Variants in RBM20 observed in about 807,000 individuals in gnomAD.
RBM20 encodes the protein RNA binding motif protein 20.
A neutral mutation model predicts 110.1 loss-of-function variants in RBM20; 51 were observed. The ratio of observed to expected loss-of-function variants is 0.46; its 90% CI spans 0.37 to 0.59. RBM20 has a LOEUF of 0.59. RBM20 is among the 20% of genes least tolerant of loss of function. RBM20 has a pLI of 0.00. For synonymous variants in RBM20, 589 were observed against 618.2 expected, an observed-to-expected ratio of 0.95 and a Z score of 0.70; for missense variants, 1,512 against 1,574.9, an observed-to-expected ratio of 0.96 and a Z score of 0.68.
intron 1 of RBM20, among the ~76,000 whole-genome samples, chr10:110,732,333 C>A (rs546040322): frequency 1.3e-5 from 2 of 152,304 alleles, no homozygotes; most frequent in African/African-American, 4.8e-5. Context: ...CCTCCATGCT[C>A]TTTCCTATGA....
intron 5 of RBM20, among the ~76,000 whole-genome samples, chr10:110,793,146 C>A (rs2135065265): frequency 6.6e-6 from 1 of 152,268 alleles, no homozygotes; most frequent in Middle Eastern, 3.4e-3. Flanking sequence ...AACTAAGGCT[C>A]AGAAAAGGAA....
rs574992013 is a variant in RBM20 at position 110,689,563 on chromosome 10, A to G, written c.191+44918A>G. Among the ~76,000 whole-genome samples, 13 of 152,352 alleles carry G rather than the reference A, an allele frequency of 8.5e-5. No individual in the cohort carries two copies. In the South Asian group the frequency reaches 2.7e-3, roughly 32 times the overall value. Reference sequence around the variant, plus strand: ...TTAATTGGTGTTTTACAGTTCCATCATGTATAACTATTTTATATCTTTGTT... The same window carrying G: ...TTAATTGGTGTTTTACAGTTCCATCGTGTATAACTATTTTATATCTTTGTT... On this transcript the variant is annotated intron_variant, in intron 1 of 13. Coordinates refer to ENST00000369519, the MANE Select transcript of RBM20 (RefSeq NM_001134363.3).
chr10:110,818,568 C>G (rs1844871521), intron 9 of RBM20, among the ~76,000 whole-genome samples: 1 of 152,236 alleles, frequency 6.6e-6, no homozygotes, highest in South Asian at 2.1e-4. Flanking sequence ...GCTGCTCTCT[C>G]CTGGAAGTGA....
Position 110,836,706 on chromosome 10 carries a change from C to T in RBM20, c.*728C>T, listed in dbSNP as rs2135149785. On this transcript the variant is annotated 3_prime_UTR_variant, in exon 14 of 14. Transcript: ENST00000369519. Reference sequence around the variant, plus strand: ...GAATTTTAGAGAAGATGAAAAGAGCCCTTCATTTTGGAAGCTCTGATAAGT... The same window carrying T: ...GAATTTTAGAGAAGATGAAAAGAGCTCTTCATTTTGGAAGCTCTGATAAGT... 6.6e-6 allele frequency: 1 copy of T among 152,298 alleles called. No homozygotes were observed. Among genetic ancestry groups the T allele is most frequent in the East Asian group, 1.9e-4 (1 of 5,190 alleles). 9.4% of individuals were successfully genotyped at this position (152,298 alleles called of 1,614,324 possible). A position where few individuals can be genotyped will look rare whatever the true frequency, so the allele number is the denominator to read the frequency against.
chr10:110,779,200 A>T (rs1028838311), intron 1 of RBM20, among the ~76,000 whole-genome samples: 4 of 152,222 alleles, frequency 2.6e-5, no homozygotes, highest in African/African-American at 9.6e-5. Context: ...AGACCACAGC[A>T]GGATGGAAGG....
At chr10:110,649,111 C>T (rs1861910320) in intron 1 of RBM20, among the ~76,000 whole-genome samples, 1 of 152,092 alleles carries the variant, frequency 6.6e-6, no homozygotes, top group African/African-American at 2.4e-5. Flanking sequence ...GGAATGTGAA[C>T]TCTGATCTGT....
At position 110,741,782 on chromosome 10, in the gene RBM20, T is replaced by G. The variant is rs143289234; in HGVS notation, c.192-39019T>G. 1.3e-3 allele frequency among the ~76,000 whole-genome samples: 196 copies of G among 146,886 alleles called. 1 individual carries two copies. The highest frequency in any genetic ancestry group is 2.3e-3 in the Non-Finnish European group (152 of 67,210). ...AAGCCTGAGCTCAGACCTCACCTCC[T>G]CTAGGAACCCCTCCAGGACCAGAGT... On this transcript the variant is annotated intron_variant, in intron 1 of 13. Transcript: ENST00000369519.
At chr10:110,800,360 T>C (rs1844606504) in intron 7 of RBM20, among the ~76,000 whole-genome samples, 1 of 152,252 alleles carries the variant, frequency 6.6e-6, no homozygotes, top group African/African-American at 2.4e-5. Flanking sequence ...GAAGTCCTTC[T>C]AAGCAGCCCT....
intron 9 of RBM20, among the ~76,000 whole-genome samples, chr10:110,813,558 G>A (rs1034064391): frequency 6.6e-6 from 1 of 152,142 alleles, no homozygotes; most frequent in African/African-American, 2.4e-5. Context: ...ACGGTGGCTG[G>A]GCACAGTGGC....
intron 1 of RBM20, among the ~76,000 whole-genome samples, chr10:110,771,010 C>T (rs1844180301): frequency 6.6e-6 from 1 of 152,240 alleles, no homozygotes. Context: ...ATCTAATCCA[C>T]ATTCTCTGTA....
At chr10:110,791,376 C>T (rs1844481183) in intron 5 of RBM20, among the ~76,000 whole-genome samples, 1 of 152,232 alleles carries the variant, frequency 6.6e-6, no homozygotes. Context: ...GGAATCTACA[C>T]TTTGCAGCTC....
At chr10:110,835,827 C>T in intron 13 of RBM20, 41 bp from the exon 14 acceptor site, 5 of 1,545,746 alleles carry the variant, frequency 3.2e-6, no homozygotes, top group Non-Finnish European at 4.4e-6. Flanking sequence ...TAGGTCCCTA[C>T]TAACATGCCC....
intron 1 of RBM20, among the ~76,000 whole-genome samples, chr10:110,744,160 C>T (rs141835985): frequency 6.6e-6 from 1 of 152,290 alleles, no homozygotes; most frequent in East Asian, 1.9e-4. Flanking sequence ...AGATACCTCT[C>T]TATACAGAGG....
chr10:110,708,558 C>T (rs926554415), intron 1 of RBM20, among the ~76,000 whole-genome samples: 20 of 151,974 alleles, frequency 1.3e-4, no homozygotes, highest in Admixed American at 7.2e-4. Flanking sequence ...TATATTTTTG[C>T]TAGATAAAAA....
chr10:110,797,874 G>A (rs185790984), intron 6 of RBM20, among the ~76,000 whole-genome samples: 27 of 152,266 alleles, frequency 1.8e-4, no homozygotes, highest in Admixed American at 7.8e-4. Context: ...ATTGCCTAGA[G>A]GTGAGAGGAG....
rs7919757 is a variant in RBM20, at chr10:110,741,634, C to T, written c.192-39167C>T. Among the ~76,000 whole-genome samples, 687 of 152,296 alleles carry T rather than the reference C, an allele frequency of 4.5e-3. 7 individuals carry two copies. Among genetic ancestry groups the T allele is most frequent in the African/African-American group, 0.016 (662 of 41,558 alleles). ...TTCTCTCCAAGACTGCCCCACCAAGCCTTCTGCCATTTGTCAACTCACAAC... is the reference window on the plus strand; with the variant it reads ...TTCTCTCCAAGACTGCCCCACCAAGTCTTCTGCCATTTGTCAACTCACAAC... On this transcript the variant is annotated intron_variant, in intron 1 of 13. Coordinates refer to ENST00000369519, the MANE Select transcript of RBM20 (RefSeq NM_001134363.3).
At chr10:110,793,407 A>G (rs977557180) in intron 5 of RBM20, among the ~76,000 whole-genome samples, 3 of 152,262 alleles carry the variant, frequency 2.0e-5, no homozygotes, top group African/African-American at 7.2e-5. Context: ...AATCAAAGAC[A>G]GAGACACACC....
In RBM20 at chr10:110,812,428, G is replaced by A. The variant is rs1177135320; in HGVS notation, c.2031G>A (p.Glu677=). 1.1e-5 allele frequency: 17 copies of A among 1,551,600 alleles called. No individual in the cohort carries two copies. In the East Asian group the frequency reaches 4.2e-4, roughly 38 times the overall value. The part of the protein sequence containing the change: ...ADWGNGRDSW[E]HSPYARREEE... ...GGGGCAATGGCCGGGACTCCTGGGAGCACTCTCCCTATGCCAGGAGGGAGG... is the reference window on the plus strand; with the variant it reads ...GGGGCAATGGCCGGGACTCCTGGGAACACTCTCCCTATGCCAGGAGGGAGG... Residue 677 remains glutamate, a synonymous_variant, in exon 9 of 14, where the codon GAG becomes GAA. Transcript: ENST00000369519.
chr10:110,805,764 G>A (rs1398513906), intron 7 of RBM20, among the ~76,000 whole-genome samples: 1 of 152,166 alleles, frequency 6.6e-6, no homozygotes, highest in African/African-American at 2.4e-5. Flanking sequence ...GACTGCATGG[G>A]GCTTGGAATC....
Sources: gnomAD v4.1 joint callset for allele counts (sites outside exome capture counted in the v4.1 genomes callset) on GRCh38, gnomAD v4.1.1 for gene constraint, MANE v1.5 for transcripts, NCBI Gene and HGNC (gene_info 2026-07-23, HGNC 2026-07-21) for gene names.